The following CCSER1 variants were observed in gnomAD, a reference collection of about 807,000 sequenced individuals.
CCSER1 encodes coiled-coil serine rich protein 1.
CCSER1 carries 41 observed loss-of-function variants against 82.0 expected under a neutral mutation model. The ratio of observed to expected loss-of-function variants is 0.50; its 90% CI spans 0.39 to 0.65. The LOEUF is 0.65. Ranked by LOEUF, CCSER1 falls within the 30% of genes least tolerant of loss-of-function variation. CCSER1 has a pLI of 0.00. For missense variants in CCSER1, 1,119 were observed against 1,064.2 expected (o/e 1.05, Z -0.72); for synonymous variants, 414 against 383.9 (o/e 1.08, Z -0.92).
chr4:90,394,919 T>G (rs1311558117), intron 3 of CCSER1, among the ~76,000 whole-genome samples: 1 of 152,200 alleles, frequency 6.6e-6, no homozygotes, highest in Admixed American at 6.5e-5. Context: ...ACCTCACATA[T>G]TTATCATTTT....
intron 10 of CCSER1, among the ~76,000 whole-genome samples, chr4:91,294,558 A>G (rs879779732): frequency 6.6e-6 from 1 of 151,814 alleles, no homozygotes. Flanking sequence ...GGATGGCAAC[A>G]GGGTTTGTTC....
intron 10 of CCSER1, among the ~76,000 whole-genome samples, chr4:91,171,159 T>G (rs1269963238): frequency 6.6e-6 from 1 of 152,180 alleles, no homozygotes; most frequent in Non-Finnish European, 1.5e-5. Flanking sequence ...AAAACAGGGC[T>G]CTAAAGCTAG....
At chr4:91,415,437 T>C (rs183097241) in intron 10 of CCSER1, among the ~76,000 whole-genome samples, 1 of 152,264 alleles carries the variant, frequency 6.6e-6, no homozygotes, top group African/African-American at 2.4e-5. Flanking sequence ...GGCCAGAAAT[T>C]CCAATACTAT....
At chr4:90,819,181 A>G (rs1352966195) in intron 8 of CCSER1, among the ~76,000 whole-genome samples, 1 of 152,120 alleles carries the variant, frequency 6.6e-6, no homozygotes, top group East Asian at 1.9e-4. Context: ...AGAGGGAGAA[A>G]GAGAGATCAT....
At chr4:90,195,803 G>A (rs1736483821) in intron 1 of CCSER1, among the ~76,000 whole-genome samples, 1 of 152,178 alleles carries the variant, frequency 6.6e-6, no homozygotes, top group Non-Finnish European at 1.5e-5. Flanking sequence ...TTAGTCTAAG[G>A]CAATGAGGAT....
intron 9 of CCSER1, among the ~76,000 whole-genome samples, chr4:91,016,802 T>C (rs1489239492): frequency 2.6e-5 from 4 of 152,162 alleles, no homozygotes; most frequent in Admixed American, 1.3e-4. Context: ...AGGGAAGATA[T>C]GGTGTTAGAA....
intron 3 of CCSER1, among the ~76,000 whole-genome samples, chr4:90,393,826 G>C (rs1751562748): frequency 7.2e-6 from 1 of 138,730 alleles, no homozygotes; most frequent in African/African-American, 2.8e-5. Context: ...GCCCATGCTG[G>C]AGTGCAGTGT....
chr4:91,353,625 T>A (rs111641436), intron 10 of CCSER1, among the ~76,000 whole-genome samples: 3,008 of 152,290 alleles, frequency 0.02, 91 homozygotes, highest in African/African-American at 0.067. Flanking sequence ...TCTCACTTTT[T>A]ATTAGTGGGA....
At chr4:91,187,544 GT>G (rs35557731) in intron 10 of CCSER1, among the ~76,000 whole-genome samples, 11 of 150,854 alleles carry the variant, frequency 7.3e-5, no homozygotes, top group Middle Eastern at 3.4e-3. Context: ...CAATAAATTT[GT>G]TTTTTTTTTA....
At chr4:91,238,072 G>A (rs1382879798) in intron 10 of CCSER1, among the ~76,000 whole-genome samples, 1 of 152,102 alleles carries the variant, frequency 6.6e-6, no homozygotes, top group Non-Finnish European at 1.5e-5. Context: ...GACCCCCAAT[G>A]ACCCATTCTT....
At chr4:91,131,331 C>CTTTTTTTTTTTTTTTTTTTTTT (rs34209878) in intron 10 of CCSER1, among the ~76,000 whole-genome samples, 1 of 137,746 alleles carries the variant, frequency 7.3e-6, no homozygotes. Context: ...GTTCTCCCCT[C>CTTTTTTTTTTTTTTTTTTTTTT]TTTTTTTTTT....
intron 8 of CCSER1, among the ~76,000 whole-genome samples, chr4:90,878,710 C>G (rs1045386184): frequency 1.3e-5 from 2 of 152,160 alleles, no homozygotes; most frequent in African/African-American, 2.4e-5. Context: ...AATGGAGATG[C>G]AAATGTACTC....
chr4:90,620,935 T>C (rs1432704872), intron 5 of CCSER1, among the ~76,000 whole-genome samples: 2 of 152,150 alleles, frequency 1.3e-5, no homozygotes, highest in Non-Finnish European at 2.9e-5. Context: ...TGCCTCAGCC[T>C]CCTGAGTATC....
At chr4:91,287,013 TA>T (rs1743328037) in intron 10 of CCSER1, among the ~76,000 whole-genome samples, 1 of 151,828 alleles carries the variant, frequency 6.6e-6, no homozygotes. Flanking sequence ...GAACTGAATA[TA>T]CATGAAAATA....
intron 9 of CCSER1, among the ~76,000 whole-genome samples, chr4:90,933,332 C>T (rs1180648112): frequency 4.6e-5 from 7 of 151,494 alleles, no homozygotes; most frequent in East Asian, 2.0e-4. Flanking sequence ...GGACTACAGG[C>T]GCCCGCCACC....
intron 9 of CCSER1, among the ~76,000 whole-genome samples, chr4:90,940,575 G>C (rs971491400): frequency 6.6e-6 from 1 of 152,028 alleles, no homozygotes; most frequent in East Asian, 1.9e-4. Context: ...AAATGCGTGA[G>C]AACTGTTGTA....
intron 10 of CCSER1, among the ~76,000 whole-genome samples, chr4:91,376,880 T>G (rs1401826003): frequency 2.1e-5 from 3 of 140,290 alleles, no homozygotes; most frequent in African/African-American, 7.9e-5. Context: ...TTACATTAGG[T>G]ATATCTCCTA....
chr4:91,064,686 A>G (rs1173160442), intron 9 of CCSER1, among the ~76,000 whole-genome samples: 2 of 152,204 alleles, frequency 1.3e-5, no homozygotes, highest in African/African-American at 4.8e-5. Flanking sequence ...TCAGTGCCTC[A>G]GGCAAACAAA....
At chr4:90,917,116 AGGG>A (rs1165727689) in intron 8 of CCSER1, among the ~76,000 whole-genome samples, 9 of 152,228 alleles carry the variant, frequency 5.9e-5, no homozygotes, top group Non-Finnish European at 1.2e-4. Context: ...GCAATTCCTC[AGGG>A]ATCTAGAACT....
Sources: gnomAD v4.1 joint callset for allele counts (sites outside exome capture counted in the v4.1 genomes callset) on GRCh38, gnomAD v4.1.1 for gene constraint, MANE v1.5 for transcripts, NCBI Gene and HGNC (gene_info 2026-07-23, HGNC 2026-07-21) for gene names.